Variants in XIRP2 observed in about 807,000 individuals in gnomAD.
XIRP2 encodes xin actin binding repeat containing 2.
Under a neutral mutation model 277.0 loss-of-function variants are expected in XIRP2, and 236 were observed. That is an observed-to-expected ratio of 0.85 (90% CI 0.77 to 0.95). The LOEUF (loss-of-function observed/expected upper bound fraction) is 0.95, where lower values mean the gene tolerates loss of function less well. XIRP2 is among the 40% of genes least tolerant of loss of function. The pLI is 0.00. For synonymous variants in XIRP2, 1,490 were observed against 1,416.5 expected, an observed-to-expected ratio of 1.05 and a Z score of -1.17; for missense variants, 4,640 against 4,157.5, an observed-to-expected ratio of 1.12 and a Z score of -3.19.
Position 167,246,917 on chromosome 2 carries a change from C to T in XIRP2, c.5525C>T (p.Thr1842Ile), listed in dbSNP as rs1695289380. Residue 1842 changes from threonine to isoleucine, a missense_variant, in exon 9 of 11, where the codon ACA becomes ATA. Coordinates refer to ENST00000409195, the MANE Select transcript of XIRP2 (RefSeq NM_152381.6). The stretch of plus-strand genomic sequence containing the variant: ...GAAGAGATTATAAAAGGTGATTTGA[C>T]ATCAACCCTAAATTCCCTCAGCCAG... ...PKEEIIKGDLTSTLNSLSQAV... is the reference protein window; with the variant it reads ...PKEEIIKGDLISTLNSLSQAV... 6.2e-7 allele frequency: 1 copy of T among 1,613,120 alleles called. No individual in the cohort carries two copies. Among genetic ancestry groups the T allele is most frequent in the Admixed American group, 1.7e-5 (1 of 59,932 alleles).
At chr2:166,978,294 A>G (rs1435150036) in intron 2 of XIRP2, among the ~76,000 whole-genome samples, 5 of 152,214 alleles carry the variant, frequency 3.3e-5, no homozygotes, top group African/African-American at 1.2e-4. Context: ...ACAATAAGTA[A>G]TCAATCAGGC....
At chr2:167,059,776 A>G (rs1484308642) in intron 2 of XIRP2, among the ~76,000 whole-genome samples, 1 of 152,158 alleles carries the variant, frequency 6.6e-6, no homozygotes, top group Non-Finnish European at 1.5e-5. Flanking sequence ...AATACCTTGT[A>G]TCATCCCCTC....
rs1338520755 is a variant in XIRP2, at chr2:167,104,358, C to T, written c.409-31551C>T. On this transcript the variant is annotated intron_variant, in intron 2 of 10. Transcript: ENST00000409195. ...AATTATAAGTCCCCCTTAGTACTTC[C>T]ACCAACCCATCATAACAATTTTATC... Among the ~76,000 whole-genome samples, 4 of 152,038 alleles carry T rather than the reference C, an allele frequency of 2.6e-5. No homozygotes were observed. The East Asian group carries it at 7.7e-4, about 29-fold the overall frequency.
intron 2 of XIRP2, among the ~76,000 whole-genome samples, chr2:167,056,602 A>G (rs1031990656): frequency 2.0e-5 from 3 of 152,174 alleles, no homozygotes; most frequent in African/African-American, 4.8e-5. Flanking sequence ...TCATAATCAC[A>G]TGATACTTTT....
chr2:167,218,711 TGTG>T (rs1353107616), intron 5 of XIRP2, among the ~76,000 whole-genome samples: 2 of 152,222 alleles, frequency 1.3e-5, no homozygotes, highest in Non-Finnish European at 2.9e-5. Context: ...AGCTGTTTAT[TGTG>T]GTGGGGAGTT....
At chr2:167,027,889 C>T (rs921742033) in intron 2 of XIRP2, among the ~76,000 whole-genome samples, 11 of 152,002 alleles carry the variant, frequency 7.2e-5, no homozygotes, top group Admixed American at 3.9e-4. Context: ...TTCAGGATCT[C>T]TTTGGTGAAA....
intron 3 of XIRP2, among the ~76,000 whole-genome samples, chr2:167,209,312 C>T (rs538117667): frequency 6.6e-6 from 1 of 152,184 alleles, no homozygotes; most frequent in South Asian, 2.1e-4. Context: ...TTTTTCTAGG[C>T]CACAGAAATT....
At position 167,247,106 on chromosome 2, in the gene XIRP2, CTACAAA is replaced by C; in HGVS notation, c.5721_5726del (p.Asn1907_Thr1908del). 1 of 1,613,164 alleles carries C rather than the reference CTACAAA, an allele frequency of 6.2e-7. No homozygotes were observed. The highest frequency in any genetic ancestry group is 8.5e-7 in the Non-Finnish European group (1 of 1,179,660). Reference sequence around the variant, plus strand: ...AAAGCTATTGAATGCCTTGAAAAAGCTACAAATACAAAGACAGAAATTCTGAAAAAG... The same window carrying C: ...AAAGCTATTGAATGCCTTGAAAAAGCTACAAAGACAGAAATTCTGAAAAAG... On this transcript the variant is annotated inframe_deletion, in exon 9 of 11. Coordinates refer to ENST00000409195, the MANE Select transcript of XIRP2 (RefSeq NM_152381.6).
chr2:167,110,602 A>G (rs1690725420), intron 2 of XIRP2, among the ~76,000 whole-genome samples: 1 of 152,148 alleles, frequency 6.6e-6, no homozygotes, highest in African/African-American at 2.4e-5. Flanking sequence ...GAAGTCTGGT[A>G]ATGTGATGCC....
intron 3 of XIRP2, among the ~76,000 whole-genome samples, chr2:167,179,680 G>T (rs1177700365): frequency 2.7e-5 from 4 of 148,026 alleles, no homozygotes; most frequent in African/African-American, 1.0e-4. Flanking sequence ...TTGCTCTGTT[G>T]CCCAAGCTGG....
chr2:166,938,189 G>A (rs1228701171), intron 2 of XIRP2, among the ~76,000 whole-genome samples: 2 of 151,984 alleles, frequency 1.3e-5, no homozygotes, highest in Non-Finnish European at 2.9e-5. Context: ...GTGATGTTAG[G>A]GTGTCGATTT....
intron 2 of XIRP2, among the ~76,000 whole-genome samples, chr2:167,051,106 A>C (rs1332603437): frequency 1.3e-5 from 2 of 151,894 alleles, no homozygotes; most frequent in Non-Finnish European, 2.9e-5. Flanking sequence ...ATTTCCCTTC[A>C]TCTTCCCCTA....
intron 2 of XIRP2, among the ~76,000 whole-genome samples, chr2:166,911,121 T>G (rs1684687890): frequency 6.6e-6 from 1 of 152,360 alleles, no homozygotes; most frequent in East Asian, 1.9e-4. Flanking sequence ...TGTAGATGTC[T>G]ATTAGGTCCG....
intron 2 of XIRP2, among the ~76,000 whole-genome samples, chr2:166,971,902 A>G (rs935915185): frequency 6.6e-6 from 1 of 152,124 alleles, no homozygotes; most frequent in Non-Finnish European, 1.5e-5. Flanking sequence ...TAACATTTTC[A>G]TGTCACTTTT....
intron 3 of XIRP2, among the ~76,000 whole-genome samples, chr2:167,177,671 A>T (rs1189524988): frequency 2.0e-5 from 3 of 152,184 alleles, no homozygotes; most frequent in Non-Finnish European, 2.9e-5. Context: ...ATTCATATAA[A>T]TTTAAATAAT....
In XIRP2 at chr2:167,242,684, A is replaced by G; in HGVS notation, c.1292A>G (p.His431Arg). The change falls in exon 9 of 11, where the codon CAC (histidine) becomes CGC (arginine). Residue 431 changes from histidine to arginine, a missense_variant. Coordinates refer to ENST00000409195, the MANE Select transcript of XIRP2 (RefSeq NM_152381.6). ...ACATCAACTACAAGATATAGTGATC[A>G]CAGTGTCACTTCCTCAACTCTGGCA... Reference protein sequence around the residue: ...KETSTTRYSDHSVTSSTLAQI... With the variant: ...KETSTTRYSDRSVTSSTLAQI... The G allele has an allele frequency of 6.2e-7, 1 of 1,614,140 alleles. No homozygotes were observed. Among genetic ancestry groups the G allele is most frequent in the Non-Finnish European group, 8.5e-7 (1 of 1,179,992 alleles).
intron 2 of XIRP2, among the ~76,000 whole-genome samples, chr2:167,066,703 T>G (rs979171107): frequency 1.3e-5 from 2 of 152,064 alleles, no homozygotes; most frequent in African/African-American, 4.8e-5. Flanking sequence ...TGCATCACTA[T>G]TCACAAAAGT....
Position 166,987,979 on chromosome 2 carries a change from A to G in XIRP2, c.408+84089A>G, listed in dbSNP as rs77451910. The stretch of plus-strand genomic sequence containing the variant: ...TAATTTCTATAGAATGCACAATGGA[A>G]ATATAAAATAACCACGAAGCAAACT... On this transcript the variant is annotated intron_variant, in intron 2 of 10. Coordinates refer to ENST00000409195, the MANE Select transcript of XIRP2 (RefSeq NM_152381.6). Among the ~76,000 whole-genome samples the G allele has an allele frequency of 4.9e-3, 742 of 152,358 alleles. 2 individuals carry two copies. The highest frequency in any genetic ancestry group is 0.015 in the South Asian group (72 of 4,830).
rs16852816 is a variant in XIRP2, at chr2:166,966,197, T to C, written c.408+62307T>C. On this transcript the variant is annotated intron_variant, in intron 2 of 10. Coordinates refer to ENST00000409195, the MANE Select transcript of XIRP2 (RefSeq NM_152381.6). ...ATTCAGGCTAAATAGTTGTCAATAT[T>C]AACACTTTTTTAAAAACTTAATTTG... 5.7e-3 allele frequency among the ~76,000 whole-genome samples: 865 copies of C among 151,898 alleles called. 51 individuals are homozygous for C. The East Asian group carries it at 0.13, about 23-fold the overall frequency.
Sources: gnomAD v4.1 joint callset for allele counts (sites outside exome capture counted in the v4.1 genomes callset) on GRCh38, gnomAD v4.1.1 for gene constraint, MANE v1.5 for transcripts, NCBI Gene and HGNC (gene_info 2026-07-23, HGNC 2026-07-21) for gene names.